The following FHIT variants were observed in gnomAD, a reference collection of about 807,000 sequenced individuals.
FHIT encodes the protein bis(5'-adenosyl)-triphosphatase.
FHIT carries 19 observed loss-of-function variants against 17.9 expected under a neutral mutation model. The ratio of observed to expected loss-of-function variants is 1.06; its 90% CI spans 0.74 to 1.56. FHIT has a LOEUF of 1.56. FHIT is among the 40% of genes most tolerant of loss of function. The probability of loss-of-function intolerance (pLI) is 0.00; values close to 1 mark genes in which losing one functional copy is unlikely to be tolerated. For missense variants in FHIT, 248 were observed against 189.2 expected (o/e 1.31, Z -1.82); for synonymous variants, 81 against 69.7 (o/e 1.16, Z -0.81).
intron 2 of FHIT, among the ~76,000 whole-genome samples, chr3:61,084,474 T>G (rs183958201): frequency 7.2e-5 from 11 of 152,222 alleles, no homozygotes; most frequent in Non-Finnish European, 1.3e-4. Flanking sequence ...TTGGAGAGAA[T>G]AGACCTCTTG....
chr3:60,270,179 C>A (rs989104273), intron 5 of FHIT, among the ~76,000 whole-genome samples: 1 of 152,070 alleles, frequency 6.6e-6, no homozygotes, highest in African/African-American at 2.4e-5. Context: ...GCCACGCAGG[C>A]GCATGGAGCC....
At chr3:59,763,977 C>T (rs1683346) in intron 8 of FHIT, among the ~76,000 whole-genome samples, 113,138 of 152,086 alleles carry the variant, frequency 0.74, 42,758 homozygotes, top group East Asian at 0.86. Context: ...TTGTGCTAGG[C>T]GCAGAAGACT....
At chr3:60,654,202 A>C (rs781947888) in intron 4 of FHIT, among the ~76,000 whole-genome samples, 3 of 152,212 alleles carry the variant, frequency 2.0e-5, no homozygotes, top group African/African-American at 4.8e-5. Context: ...CTGCAGAACC[A>C]TGAGCCAATT....
chr3:60,712,013 C>A (rs1227154236), intron 4 of FHIT, among the ~76,000 whole-genome samples: 1 of 152,178 alleles, frequency 6.6e-6, no homozygotes, highest in Non-Finnish European at 1.5e-5. Context: ...ATGTTAAGGG[C>A]AGCCAGACAG....
chr3:59,920,535 T>C (rs1307838100), intron 8 of FHIT, among the ~76,000 whole-genome samples: 1 of 152,178 alleles, frequency 6.6e-6, no homozygotes. Flanking sequence ...TGAACTGGGC[T>C]GAAAAGTAAC....
At chr3:61,003,020 G>C (rs2031202125) in intron 3 of FHIT, among the ~76,000 whole-genome samples, 1 of 152,194 alleles carries the variant, frequency 6.6e-6, no homozygotes, top group Non-Finnish European at 1.5e-5. Context: ...GCTGCTGAAA[G>C]GGTTTTTGTT....
intron 5 of FHIT, among the ~76,000 whole-genome samples, chr3:60,446,984 G>A (rs1322347788): frequency 6.6e-6 from 1 of 151,910 alleles, no homozygotes; most frequent in Non-Finnish European, 1.5e-5. Context: ...TGCTTTGGCA[G>A]ACCCAAACTT....
At chr3:59,800,457 T>A (rs1244906189) in intron 8 of FHIT, among the ~76,000 whole-genome samples, 1 of 152,212 alleles carries the variant, frequency 6.6e-6, no homozygotes. Context: ...AGTGCCAGAT[T>A]TTTTAATCAC....
intron 5 of FHIT, among the ~76,000 whole-genome samples, chr3:60,212,357 C>A (rs964169395): frequency 3.3e-5 from 5 of 152,104 alleles, no homozygotes; most frequent in Non-Finnish European, 7.4e-5. Context: ...GAATTAAAAA[C>A]AACTTAGTAT....
intron 2 of FHIT, among the ~76,000 whole-genome samples, chr3:61,059,085 T>C (rs2034331461): frequency 6.6e-6 from 1 of 152,194 alleles, no homozygotes; most frequent in South Asian, 2.1e-4. Flanking sequence ...AAAATGAGGA[T>C]GTTTCACTCC....
intron 1 of FHIT, among the ~76,000 whole-genome samples, chr3:61,240,898 G>A (rs11714472): frequency 0.038 from 5,836 of 152,216 alleles, 129 homozygotes; most frequent in Admixed American, 0.066. Flanking sequence ...TTTCAGCTGC[G>A]CTAGACTCTG....
rs566080504 is a variant in FHIT, at chr3:60,864,934, G to A, written c.-110-42923C>T. ...GGTAGATGCATGTAAGAATCCAGCT[G>A]TCTTCTATCTACAAAGCTCTTCATA... On this transcript the variant is annotated intron_variant, in intron 3 of 9. Transcript: ENST00000492590. Among the ~76,000 whole-genome samples the A allele has an allele frequency of 7.6e-4, 115 of 152,138 alleles. 1 individual carries two copies. In the Middle Eastern group the frequency reaches 0.02, roughly 27 times the overall value.
At chr3:59,800,655 C>T (rs571033992) in intron 8 of FHIT, among the ~76,000 whole-genome samples, 33 of 152,326 alleles carry the variant, frequency 2.2e-4, no homozygotes, top group Admixed American at 5.2e-4. Flanking sequence ...ATGTGCACCC[C>T]TTTCTTGGGC....
Position 60,289,839 on chromosome 3 carries a change from G to A in FHIT, c.103+247021C>T, listed in dbSNP as rs60904652. 8.9e-3 allele frequency among the ~76,000 whole-genome samples: 1,356 copies of A among 152,048 alleles called. 22 individuals are homozygous for A. The highest frequency in any genetic ancestry group is 0.032 in the African/African-American group (1,312 of 41,478). Reference sequence around the variant, plus strand: ...GTTTATTACACGGAACCATTCAGCAGATATACAAACTATAGTTTAGCAAAG... The same window carrying A: ...GTTTATTACACGGAACCATTCAGCAAATATACAAACTATAGTTTAGCAAAG... On this transcript the variant is annotated intron_variant, in intron 5 of 9. Coordinates refer to ENST00000492590, the MANE Select transcript of FHIT (RefSeq NM_002012.4).
chr3:60,386,289 G>A (rs1367462035), intron 5 of FHIT, among the ~76,000 whole-genome samples: 6 of 152,068 alleles, frequency 3.9e-5, no homozygotes, highest in Non-Finnish European at 7.4e-5. Context: ...CCTATGAGCC[G>A]CAACCACCAT....
At position 60,449,999 on chromosome 3, in the gene FHIT, CAAAAA is replaced by C. The variant is rs35302096; in HGVS notation, c.103+86856_103+86860del. ...GCCTGGCGACAGAGCTAGACTCTGTCAAAAAAAAAAAAAAAAAAAAAAAGGCATAA... is the reference window on the plus strand; with the variant it reads ...GCCTGGCGACAGAGCTAGACTCTGTCAAAAAAAAAAAAAAAAAAGGCATAA... On this transcript the variant is annotated intron_variant, in intron 5 of 9. Coordinates refer to ENST00000492590, the MANE Select transcript of FHIT (RefSeq NM_002012.4). Among the ~76,000 whole-genome samples the C allele has an allele frequency of 1.7e-3, 111 of 65,034 alleles. 1 individual carries two copies. Among genetic ancestry groups the C allele is most frequent in the Middle Eastern group, 0.012 (1 of 82 alleles). The allele number at this position is 65,034 out of a possible 152,430, so 42.7% of individuals were successfully genotyped here.
At chr3:60,151,817 T>C (rs1700476878) in intron 5 of FHIT, among the ~76,000 whole-genome samples, 1 of 152,190 alleles carries the variant, frequency 6.6e-6, no homozygotes. Context: ...AAGTTTTTCC[T>C]AGACCTCCTA....
chr3:60,241,319 T>C (rs1705117714), intron 5 of FHIT, among the ~76,000 whole-genome samples: 1 of 152,160 alleles, frequency 6.6e-6, no homozygotes, highest in African/African-American at 2.4e-5. Flanking sequence ...TAAGATTGGA[T>C]GTACAGACCC....
chr3:60,189,596 G>A (rs1049265028), intron 5 of FHIT, among the ~76,000 whole-genome samples: 1 of 152,176 alleles, frequency 6.6e-6, no homozygotes, highest in Non-Finnish European at 1.5e-5. Flanking sequence ...TTTATTGCAA[G>A]ACATGGCTTG....
Sources: gnomAD v4.1 joint callset for allele counts (sites outside exome capture counted in the v4.1 genomes callset) on GRCh38, gnomAD v4.1.1 for gene constraint, MANE v1.5 for transcripts, NCBI Gene and HGNC (gene_info 2026-07-23, HGNC 2026-07-21) for gene names.